BACH2: variants seen among roughly 807,000 people sequenced by gnomAD.
The protein encoded by BACH2 is BACH transcriptional regulator 2.
BACH2 carries 5 observed loss-of-function variants against 61.8 expected under a neutral mutation model. The observed-to-expected ratio is 0.08, with a 90% CI of 0.04 to 0.17. The LOEUF (loss-of-function observed/expected upper bound fraction) is 0.17. Among genes scored for constraint, BACH2 ranks in the 10% least tolerant of loss-of-function variants. The probability of loss-of-function intolerance (pLI) is 1.00; values close to 1 mark genes in which losing one functional copy is unlikely to be tolerated. For synonymous variants in BACH2, 446 were observed against 440.1 expected, an observed-to-expected ratio of 1.01 and a Z score of -0.17; for missense variants, 824 against 1,091.1, an observed-to-expected ratio of 0.76 and a Z score of 3.45.
At chr6:89,961,591 T>C (rs967100281) in intron 6 of BACH2, among the ~76,000 whole-genome samples, 2 of 152,198 alleles carry the variant, frequency 1.3e-5, no homozygotes, top group Non-Finnish European at 2.9e-5. Context: ...CCACTTGATC[T>C]TCAACCAGAA....
intron 6 of BACH2, among the ~76,000 whole-genome samples, chr6:89,954,960 G>T (rs957499642): frequency 1.3e-5 from 2 of 152,188 alleles, no homozygotes; most frequent in Admixed American, 6.5e-5. Flanking sequence ...TCCCATTCTG[G>T]TTTCAGTCCT....
intron 5 of BACH2, among the ~76,000 whole-genome samples, chr6:90,040,094 G>A (rs1266061784): frequency 6.8e-6 from 1 of 146,770 alleles, no homozygotes; most frequent in Admixed American, 6.8e-5. Flanking sequence ...TTGTGTCATT[G>A]AATTCATTTT....
intron 5 of BACH2, among the ~76,000 whole-genome samples, chr6:90,049,048 A>C (rs1394723905): frequency 2.0e-5 from 3 of 152,210 alleles, no homozygotes; most frequent in African/African-American, 7.2e-5. Context: ...GAGTAAGCAA[A>C]AAATAGCTAG....
At chr6:90,284,593 G>A (rs1451860029) in intron 1 of BACH2, among the ~76,000 whole-genome samples, 2 of 152,182 alleles carry the variant, frequency 1.3e-5, no homozygotes, top group African/African-American at 4.8e-5. Context: ...GAGATGCTTA[G>A]CGCAGAGATT....
intron 6 of BACH2, among the ~76,000 whole-genome samples, chr6:89,993,668 C>A (rs1776696836): frequency 6.6e-6 from 1 of 152,176 alleles, no homozygotes; most frequent in Non-Finnish European, 1.5e-5. Flanking sequence ...TGAAGGGAAA[C>A]CACCTCATTA....
At chr6:90,106,923 C>G (rs1168714535) in intron 4 of BACH2, among the ~76,000 whole-genome samples, 5 of 152,202 alleles carry the variant, frequency 3.3e-5, no homozygotes, top group African/African-American at 1.2e-4. Context: ...AGTGGTGGCT[C>G]CGCCTCCTCT....
intron 4 of BACH2, among the ~76,000 whole-genome samples, chr6:90,174,727 A>T (rs1562487567): frequency 6.6e-6 from 1 of 152,132 alleles, no homozygotes; most frequent in Non-Finnish European, 1.5e-5. Context: ...AATATTCTAT[A>T]GCAATGAAAA....
chr6:89,969,498 G>A (rs1392770060), intron 6 of BACH2, among the ~76,000 whole-genome samples: 1 of 152,206 alleles, frequency 6.6e-6, no homozygotes, highest in Non-Finnish European at 1.5e-5. Flanking sequence ...GATGTGGGCT[G>A]CCACCACTCT....
chr6:90,239,788 G>C (rs567153095), intron 3 of BACH2, among the ~76,000 whole-genome samples: 1 of 133,716 alleles, frequency 7.5e-6, no homozygotes, highest in Non-Finnish European at 1.6e-5. Context: ...CCATAGTAAG[G>C]GGGGGGGAAT....
At chr6:90,058,077 C>T (rs549419188) in intron 5 of BACH2, among the ~76,000 whole-genome samples, 184 of 152,282 alleles carry the variant, frequency 1.2e-3, no homozygotes, top group African/African-American at 3.8e-3. Flanking sequence ...CAGGGATGCC[C>T]GTTCTCACCA....
chr6:90,011,578 T>G (rs1196921182), intron 5 of BACH2, among the ~76,000 whole-genome samples: 1 of 152,230 alleles, frequency 6.6e-6, no homozygotes, highest in Non-Finnish European at 1.5e-5. Flanking sequence ...TGGAGTGCAG[T>G]GGCATGGCCA....
At chr6:89,985,193 G>C (rs1189561665) in intron 6 of BACH2, among the ~76,000 whole-genome samples, 1 of 152,172 alleles carries the variant, frequency 6.6e-6, no homozygotes, top group Non-Finnish European at 1.5e-5. Context: ...ATCTTTCCTG[G>C]GGCTAGTGAG....
intron 2 of BACH2, among the ~76,000 whole-genome samples, chr6:90,256,209 C>T (rs963001955): frequency 1.2e-4 from 18 of 152,310 alleles, no homozygotes; most frequent in Admixed American, 6.5e-5. Context: ...TTCCATGAAA[C>T]TTATAGTGTC....
At chr6:89,935,403 C>T (rs190587299) in intron 8 of BACH2, among the ~76,000 whole-genome samples, 6 of 152,138 alleles carry the variant, frequency 3.9e-5, no homozygotes, top group Non-Finnish European at 5.9e-5. Context: ...CACATTACCC[C>T]GGCCAAAGCA....
chr6:89,971,119 C>T lies in BACH2; in HGVS notation c.244-19257G>A, dbSNP rs77513344. Among the ~76,000 whole-genome samples, 178 of 152,282 alleles carry T rather than the reference C, an allele frequency of 1.2e-3. 3 individuals are homozygous for T. The East Asian group carries it at 0.032, about 28-fold the overall frequency. ...AATCTGTCAGCAATTATTAACACTC[C>T]ACAGCTAGCTGCCTTCCCCTAGGTG... On this transcript the variant is annotated intron_variant, in intron 6 of 8. Coordinates refer to ENST00000257749, the MANE Select transcript of BACH2 (RefSeq NM_021813.4).
chr6:90,283,349 A>G (rs904245615), intron 1 of BACH2, among the ~76,000 whole-genome samples: 1 of 151,354 alleles, frequency 6.6e-6, no homozygotes, highest in African/African-American at 2.4e-5. Context: ...TTTTTTTTCC[A>G]ACAATAAGTG....
At chr6:90,003,011 GTCACTGCTA>G (rs1315480968) in intron 6 of BACH2, among the ~76,000 whole-genome samples, 1 of 152,164 alleles carries the variant, frequency 6.6e-6, no homozygotes, top group Non-Finnish European at 1.5e-5. Context: ...CAACCACCAT[GTCACTGCTA>G]TCACCCTGGT....
At chr6:90,140,445 T>C (rs2325259) in intron 4 of BACH2, among the ~76,000 whole-genome samples, 37,225 of 152,176 alleles carry the variant, frequency 0.24, 5,750 homozygotes, top group Non-Finnish European at 0.35. Flanking sequence ...CAGTAAACTA[T>C]AGTAATAGTA....
chr6:90,153,531 T>C (rs1248556759), intron 4 of BACH2, among the ~76,000 whole-genome samples: 2 of 152,196 alleles, frequency 1.3e-5, no homozygotes, highest in Non-Finnish European at 2.9e-5. Flanking sequence ...AATAAGAGTT[T>C]TTCTTTTTAT....
Sources: gnomAD v4.1 joint callset for allele counts (sites outside exome capture counted in the v4.1 genomes callset) on GRCh38, gnomAD v4.1.1 for gene constraint, MANE v1.5 for transcripts, NCBI Gene and HGNC (gene_info 2026-07-23, HGNC 2026-07-21) for gene names.